ZNF407: variants seen among roughly 807,000 people sequenced by gnomAD.
ZNF407 encodes zinc finger protein 407.
ZNF407 carries 17 observed loss-of-function variants against 131.2 expected under a neutral mutation model. The observed-to-expected ratio is 0.13, with a 90% CI of 0.09 to 0.19. The LOEUF (loss-of-function observed/expected upper bound fraction) is 0.19. Among genes scored for constraint, ZNF407 ranks in the 10% least tolerant of loss-of-function variants. The pLI, the probability that ZNF407 is intolerant of heterozygous loss-of-function variation, is 1.00. For missense variants in ZNF407, 2,681 were observed against 2,830.6 expected (o/e 0.95, Z 1.20); for synonymous variants, 1,156 against 1,062.0 (o/e 1.09, Z -1.72).
At chr18:74,942,040 A>G (rs191666548) in intron 8 of ZNF407, among the ~76,000 whole-genome samples, 12 of 152,340 alleles carry the variant, frequency 7.9e-5, no homozygotes, top group Admixed American at 4.6e-4. Context: ...TGTGGTGTGG[A>G]TCTGATGGCT....
chr18:74,756,509 T>A (rs942232680), intron 3 of ZNF407, among the ~76,000 whole-genome samples: 2 of 152,226 alleles, frequency 1.3e-5, no homozygotes, highest in Non-Finnish European at 2.9e-5. Flanking sequence ...TTTAAAGTTT[T>A]CAATGTATGT....
chr18:74,875,509 T>G (rs1476445811), intron 4 of ZNF407, among the ~76,000 whole-genome samples: 1 of 152,174 alleles, frequency 6.6e-6, no homozygotes, highest in Non-Finnish European at 1.5e-5. Flanking sequence ...TTAACCTCCT[T>G]ATTTGTTTCT....
intron 8 of ZNF407, among the ~76,000 whole-genome samples, chr18:74,936,871 T>G (rs1018668148): frequency 6.6e-6 from 1 of 152,240 alleles, no homozygotes; most frequent in Non-Finnish European, 1.5e-5. Context: ...AAAGCTGAAT[T>G]AATAATTCTC....
chr18:74,953,098 G>C (rs1294683738), intron 8 of ZNF407, among the ~76,000 whole-genome samples: 1 of 151,736 alleles, frequency 6.6e-6, no homozygotes, highest in African/African-American at 2.4e-5. Context: ...TTTGTTTTTT[G>C]CAAAAAGTCA....
intron 4 of ZNF407, among the ~76,000 whole-genome samples, chr18:74,826,445 G>T (rs1708480682): frequency 6.6e-6 from 1 of 152,144 alleles, no homozygotes; most frequent in Admixed American, 6.5e-5. Context: ...CGTGTGTGTG[G>T]TAGTGTTTGA....
chr18:74,607,337 T>C (rs1339020993), intron 1 of ZNF407, among the ~76,000 whole-genome samples: 1 of 152,214 alleles, frequency 6.6e-6, no homozygotes. Context: ...TGATGTGGCG[T>C]TGATCTCTCA....
intron 4 of ZNF407, among the ~76,000 whole-genome samples, chr18:74,852,234 G>A (rs886512397): frequency 6.6e-6 from 1 of 151,724 alleles, no homozygotes; most frequent in Non-Finnish European, 1.5e-5. Context: ...CGCATTGCTG[G>A]CTTTATTTTT....
At chr18:74,716,351 T>C (rs911016920) in intron 3 of ZNF407, among the ~76,000 whole-genome samples, 5 of 152,250 alleles carry the variant, frequency 3.3e-5, no homozygotes, top group Non-Finnish European at 7.3e-5. Context: ...TTTGTTCTTA[T>C]ATTCCTCTTA....
At chr18:74,893,859 A>G (rs1014971418) in intron 7 of ZNF407, among the ~76,000 whole-genome samples, 3 of 152,138 alleles carry the variant, frequency 2.0e-5, no homozygotes, top group East Asian at 1.9e-4. Flanking sequence ...TATAATATCA[A>G]TAGATAAAAA....
chr18:75,052,265 A>G (rs777670026), intron 8 of ZNF407, among the ~76,000 whole-genome samples: 1 of 152,212 alleles, frequency 6.6e-6, no homozygotes, highest in East Asian at 1.9e-4. Context: ...TAATTAGCCT[A>G]TTATGCCCCA....
rs773820619 is a variant in ZNF407, at chr18:74,675,376, T to G, written c.4802+34254T>G. Among the ~76,000 whole-genome samples, 4 of 152,242 alleles carry G rather than the reference T, an allele frequency of 2.6e-5. 1 individual carries two copies. ...AAGTTCCTTAAGAGTAAGAACTTTG[T>G]GCATTTTCCTTTCTTTAGCCTCTTA... On this transcript the variant is annotated intron_variant, in intron 3 of 8. Transcript: ENST00000299687.
intron 4 of ZNF407, among the ~76,000 whole-genome samples, chr18:74,826,802 G>A (rs1461143724): frequency 6.6e-6 from 1 of 152,196 alleles, no homozygotes; most frequent in Non-Finnish European, 1.5e-5. Flanking sequence ...ACAGTAAGCA[G>A]CGATGTCATC....
intron 3 of ZNF407, among the ~76,000 whole-genome samples, chr18:74,663,034 A>G (rs1227716773): frequency 4.6e-5 from 7 of 152,234 alleles, no homozygotes; most frequent in African/African-American, 1.7e-4. Flanking sequence ...ATATTGAGAT[A>G]CACAAGGTGG....
chr18:74,860,145 A>T (rs1055547659), intron 4 of ZNF407, among the ~76,000 whole-genome samples: 4 of 152,154 alleles, frequency 2.6e-5, no homozygotes, highest in Non-Finnish European at 5.9e-5. Flanking sequence ...GTCTCTTTTA[A>T]AAGATAAAAT....
chr18:74,623,338 G>GTGAA (rs2144644365), intron 1 of ZNF407, among the ~76,000 whole-genome samples: 2 of 13,826 alleles, frequency 1.4e-4, no homozygotes, highest in East Asian at 0.016. Flanking sequence ...GAAACTGCAT[G>GTGAA]TGTGAGTGTG....
At position 74,634,263 on chromosome 18, in the gene ZNF407, A is replaced by G; in HGVS notation, c.3244A>G (p.Asn1082Asp). 1.2e-6 allele frequency: 2 copies of G among 1,614,050 alleles called. No individual in the cohort carries two copies. The highest frequency in any genetic ancestry group is 1.7e-6 in the Non-Finnish European group (2 of 1,179,898). ...MKRQSYLNSA[N>D]VEAGSADMSK... The stretch of plus-strand genomic sequence containing the variant: ...AAGGCAGTCTTATCTCAACTCTGCT[A>G]ATGTAGAAGCTGGTTCTGCAGACAT... Residue 1082 changes from asparagine to aspartate, a missense_variant, in exon 2 of 9, where the codon AAT becomes GAT. Physicochemically the swap from Asn to Asp is conservative, Grantham distance 23. Transcript: ENST00000299687.
chr18:74,845,782 T>A (rs1301868793), intron 4 of ZNF407, among the ~76,000 whole-genome samples: 2 of 152,176 alleles, frequency 1.3e-5, no homozygotes, highest in Non-Finnish European at 2.9e-5. Flanking sequence ...TACAAAAATG[T>A]TGGGGAGATA....
At chr18:74,776,765 TAACATG>T (rs751824744) in intron 3 of ZNF407, among the ~76,000 whole-genome samples, 45 of 152,172 alleles carry the variant, frequency 3.0e-4, no homozygotes, top group Non-Finnish European at 6.2e-4. Context: ...GCCTTACCAA[TAACATG>T]AACCGCAGAT....
chr18:75,004,708 A>G (rs1972887401), intron 8 of ZNF407, among the ~76,000 whole-genome samples: 1 of 152,232 alleles, frequency 6.6e-6, no homozygotes, highest in African/African-American at 2.4e-5. Flanking sequence ...GCAAAATGAA[A>G]GATGAAATAT....
Sources: allele counts gnomAD v4.1 joint callset (sites outside exome capture counted in the v4.1 genomes callset), GRCh38; gene constraint gnomAD v4.1.1; transcripts MANE v1.5; gene names NCBI Gene and HGNC (gene_info 2026-07-23, HGNC 2026-07-21).